DEF8: variants seen among roughly 807,000 people sequenced by gnomAD.
DEF8 encodes the protein differentially expressed in FDCP 8 homolog.
In DEF8, 38 loss-of-function variants were observed where a neutral mutation model predicts 59.1. The observed-to-expected ratio is 0.64, with a 90% CI of 0.50 to 0.84. DEF8 has a LOEUF of 0.84. Ranked by LOEUF, DEF8 falls within the 40% of genes least tolerant of loss-of-function variation. The probability of loss-of-function intolerance (pLI) is 0.00; values close to 1 mark genes in which losing one functional copy is unlikely to be tolerated. For missense variants in DEF8, 557 were observed against 615.2 expected, an observed-to-expected ratio of 0.91 and a Z score of 1.00; for synonymous variants, 265 against 250.1, an observed-to-expected ratio of 1.06 and a Z score of -0.56.
intron 4 of DEF8, 152 bp from the exon 5 acceptor site, chr16:89,957,359 C>A: frequency 1.2e-6 from 1 of 817,022 alleles, no homozygotes; most frequent in Non-Finnish European, 1.9e-6. Context: ...CCTTTCCTGC[C>A]CTGGAGCAAG....
rs563054055 is a variant in DEF8 at position 89,957,041 on chromosome 16, C to T, written c.223-470C>T. ...GGGGCCTTGCTGGGCCGTGAGCCCC[C>T]TGGTCGCTATGTGGCGAAAGCAACC... On this transcript the variant is annotated intron_variant, in intron 4 of 12. Coordinates refer to ENST00000563594, the MANE Select transcript of DEF8 (RefSeq NM_001242818.2). Among the ~76,000 whole-genome samples the T allele has an allele frequency of 9.3e-4, 141 of 152,308 alleles. No homozygotes were observed. The Middle Eastern group carries it at 0.014, about 15-fold the overall frequency.
At position 89,961,727 on chromosome 16, in the gene DEF8, G is replaced by A. The variant is rs1304894731; in HGVS notation, c.680-10G>A. 1 of 1,612,842 alleles carries A rather than the reference G, an allele frequency of 6.2e-7. No homozygotes were observed. The highest frequency in any genetic ancestry group is 1.7e-4 in the Middle Eastern group (1 of 5,998). On this transcript the variant is annotated splice_polypyrimidine_tract_variant and intron_variant, in intron 7 of 12. Coordinates refer to ENST00000563594, the MANE Select transcript of DEF8 (RefSeq NM_001242818.2). Reference sequence around the variant, plus strand: ...AGGCAGGGACACTCAGGGCCCCTCTGACCCTGCAGGGGGTGTGCCCAGTGA... The same window carrying A: ...AGGCAGGGACACTCAGGGCCCCTCTAACCCTGCAGGGGGTGTGCCCAGTGA...
At position 89,949,453 on chromosome 16, in the gene DEF8, C is replaced by T. The variant is rs1038321029; in HGVS notation, c.-71C>T. Reference sequence around the variant, plus strand: ...CCCACGGCCAGGCTTCCGTGGCCAGCAGCCCTAGAGGAATGGCCATCCTGT... The same window carrying T: ...CCCACGGCCAGGCTTCCGTGGCCAGTAGCCCTAGAGGAATGGCCATCCTGT... On this transcript the variant is annotated 5_prime_UTR_variant, in exon 2 of 13. The change creates a premature stop within an existing upstream ORF in the 5' untranslated region. Coordinates refer to ENST00000563594, the MANE Select transcript of DEF8 (RefSeq NM_001242818.2). The T allele has an allele frequency of 1.7e-5, 28 of 1,609,644 alleles. No individual in the cohort carries two copies. The highest frequency in any genetic ancestry group is 2.2e-5 in the Non-Finnish European group (26 of 1,179,046).
At position 89,966,066 on chromosome 16, in the gene DEF8, G is replaced by GC; in HGVS notation, c.*108dup. 1 of 870,236 alleles carries GC rather than the reference G, an allele frequency of 1.1e-6. No homozygotes were observed. The highest frequency in any genetic ancestry group is 1.6e-5 in the South Asian group (1 of 62,312). The allele number at this position is 870,236 out of a possible 1,614,324, so 53.9% of individuals were successfully genotyped here. ...CGGAGACCCCTGGGGTGCGGCCCTGGCCCCCTCCACCCCTGCTGGGCCAGA... is the reference window on the plus strand; with the variant it reads ...CGGAGACCCCTGGGGTGCGGCCCTGGCCCCCCTCCACCCCTGCTGGGCCAGA... On this transcript the variant is annotated 3_prime_UTR_variant, in exon 13 of 13. Coordinates refer to ENST00000563594, the MANE Select transcript of DEF8 (RefSeq NM_001242818.2).
chr16:89,949,747 C>G (rs889147335), intron 2 of DEF8: 13 of 1,097,922 alleles, frequency 1.2e-5, no homozygotes, highest in Middle Eastern at 3.0e-4. Context: ...GGGTCCTCCC[C>G]GATGAGAGCA....
intron 6 of DEF8, 31 bp from the exon 7 acceptor site, chr16:89,960,900 C>A (rs2033941645): frequency 2.5e-6 from 4 of 1,602,106 alleles, no homozygotes; most frequent in Non-Finnish European, 2.6e-6. Context: ...ACCCTTCCCG[C>A]TTTTGAGAAG....
At chr16:89,960,771 G>C (rs1429997769) in intron 6 of DEF8, among the ~76,000 whole-genome samples, 160 bp from the exon 7 acceptor site, 1 of 152,166 alleles carries the variant, frequency 6.6e-6, no homozygotes, top group African/African-American at 2.4e-5. Context: ...AGGGAGAAAA[G>C]GATCTTTGAG....
At chr16:89,960,814 T>TA in intron 6 of DEF8, 117 bp from the exon 7 acceptor site, 1 of 1,074,054 alleles carries the variant, frequency 9.3e-7, no homozygotes, top group Non-Finnish European at 1.4e-6. Flanking sequence ...CAGGAGGTCT[T>TA]AGATTGATCT....
At position 89,954,175 on chromosome 16, in the gene DEF8, G is replaced by C; in HGVS notation, c.-10-68G>C. Reference sequence around the variant, plus strand: ...TCACCCCAGACACCCCAGTGTGGTTGGGGAAAGGGGGTGGTCCGTGGTGAG... The same window carrying C: ...TCACCCCAGACACCCCAGTGTGGTTCGGGAAAGGGGGTGGTCCGTGGTGAG... On this transcript the variant is annotated intron_variant, in intron 2 of 12. Coordinates refer to ENST00000563594, the MANE Select transcript of DEF8 (RefSeq NM_001242818.2). This position sits in a 1 kb window ranked among gnomAD's most constrained non-coding sequence, Gnocchi z 4.3. 6.4e-7 allele frequency: 1 copy of C among 1,564,166 alleles called. No homozygotes were observed. Among genetic ancestry groups the C allele is most frequent in the African/African-American group, 1.4e-5 (1 of 74,056 alleles).
chr16:89,958,734 A>G (rs1203419016), intron 5 of DEF8, among the ~76,000 whole-genome samples: 1 of 152,174 alleles, frequency 6.6e-6, no homozygotes, highest in Admixed American at 6.5e-5. Context: ...TCCCGCTCAC[A>G]TGCCCATGGC....
chr16:89,965,964 C>T lies in DEF8; in HGVS notation c.*1C>T, dbSNP rs1431450648. On this transcript the variant is annotated 3_prime_UTR_variant, in exon 13 of 13. Transcript: ENST00000563594. ...GCCAGGTCCCGATGTGGAGGCCTAGCGCCGAGGAACAGTGCTGGGCACCCC... is the reference window on the plus strand; with the variant it reads ...GCCAGGTCCCGATGTGGAGGCCTAGTGCCGAGGAACAGTGCTGGGCACCCC... 1.4e-5 allele frequency: 23 copies of T among 1,609,896 alleles called. No homozygotes were observed. The highest frequency in any genetic ancestry group is 1.7e-5 in the Non-Finnish European group (20 of 1,177,512).
At chr16:89,955,369 C>T in intron 4 of DEF8, 103 bp downstream of exon 4, 1 of 943,940 alleles carries the variant, frequency 1.1e-6, no homozygotes, top group Non-Finnish European at 1.7e-6. Flanking sequence ...GGGCAGTGTC[C>T]TGTGAGCTGG....
Position 89,959,173 on chromosome 16 carries a change from C to G in DEF8, c.514+18C>G. ...CTGCACAGGTGGGCCGAGACCCAGA[C>G]GAGGAGTGAGGAATGAGAGAGACCA... On this transcript the variant is annotated intron_variant, in intron 6 of 12. Coordinates refer to ENST00000563594, the MANE Select transcript of DEF8 (RefSeq NM_001242818.2). 2 of 1,613,856 alleles carry G rather than the reference C, an allele frequency of 1.2e-6. No homozygotes were observed. Among genetic ancestry groups the G allele is most frequent in the Non-Finnish European group, 8.5e-7 (1 of 1,180,016 alleles).
chr16:89,963,747 A>G (rs1415107853), intron 10 of DEF8: 4 of 511,230 alleles, frequency 7.8e-6, no homozygotes, highest in African/African-American at 3.8e-5. Flanking sequence ...TGTGCTCAAC[A>G]GATACAGATG....
chr16:89,960,255 G>A (rs964274215), intron 6 of DEF8, among the ~76,000 whole-genome samples: 27 of 152,194 alleles, frequency 1.8e-4, no homozygotes, highest in African/African-American at 6.0e-4. Flanking sequence ...ACTGAGAAGA[G>A]GGGGATGACT....
At chr16:89,948,970 G>A (rs1310278611) in intron 1 of DEF8, among the ~76,000 whole-genome samples, 156 bp downstream of exon 1, 3 of 45,260 alleles carry the variant, frequency 6.6e-5, no homozygotes, top group African/African-American at 2.9e-4. Context: ...CGGGGCCGGC[G>A]GGGACGGGGC....
intron 7 of DEF8, 118 bp from the exon 8 acceptor site, chr16:89,961,619 G>A (rs1367847973): frequency 2.3e-6 from 3 of 1,298,340 alleles, no homozygotes; most frequent in Non-Finnish European, 3.2e-6. Context: ...GCTGAGGATA[G>A]GACATGTTCC....
chr16:89,964,818 C>G (rs1365001241), intron 12 of DEF8, among the ~76,000 whole-genome samples: 1 of 152,230 alleles, frequency 6.6e-6, no homozygotes, highest in Non-Finnish European at 1.5e-5. Flanking sequence ...GCTGCCCCTT[C>G]CCAGGTCCCT....
At chr16:89,958,862 T>C in intron 5 of DEF8, 152 bp from the exon 6 acceptor site, 1 of 1,456,340 alleles carries the variant, frequency 6.9e-7, no homozygotes, top group Non-Finnish European at 9.1e-7. Context: ...TTGTTTACTG[T>C]GAAAGGGAGA....
Sources: allele counts gnomAD v4.1 joint callset (sites outside exome capture counted in the v4.1 genomes callset), GRCh38; gene constraint gnomAD v4.1.1; non-coding constraint Gnocchi (gnomAD v3.1); transcripts MANE v1.5; gene names NCBI Gene and HGNC (gene_info 2026-07-23, HGNC 2026-07-21).